The following NPAS3 variants were observed in gnomAD, a reference collection of about 807,000 sequenced individuals.
NPAS3 encodes neuronal PAS domain protein 3, also known as neuronal PAS domain-containing protein 3.
Under a neutral mutation model 73.1 loss-of-function variants are expected in NPAS3, and 14 were observed. That is an observed-to-expected ratio of 0.19 (90% confidence interval 0.13 to 0.30). The LOEUF is 0.30. Ranked by LOEUF, NPAS3 falls within the 10% of genes least tolerant of loss-of-function variation. The pLI is 1.00. For missense variants in NPAS3, 1,096 were observed against 1,250.0 expected (o/e 0.88, Z 1.86); for synonymous variants, 620 against 541.5 (o/e 1.14, Z -2.01).
chr14:33,149,283 G>A (rs146047080), intron 2 of NPAS3, among the ~76,000 whole-genome samples: 23 of 152,250 alleles, frequency 1.5e-4, no homozygotes, highest in Non-Finnish European at 3.2e-4. Flanking sequence ...TTGTTATTCC[G>A]AAGTGTTCAT....
At chr14:33,450,416 G>A (rs941236527) in intron 4 of NPAS3, among the ~76,000 whole-genome samples, 6 of 152,012 alleles carry the variant, frequency 3.9e-5, no homozygotes, top group Admixed American at 1.3e-4. Flanking sequence ...ATCCATAATC[G>A]TAGCACCTAC....
rs115410650 is a variant in NPAS3 at position 33,558,960 on chromosome 14, G to A, written c.469-1161G>A. Among the ~76,000 whole-genome samples the A allele has an allele frequency of 7.3e-3, 1,107 of 151,776 alleles. 16 individuals are homozygous for A. Among genetic ancestry groups the A allele is most frequent in the African/African-American group, 0.026 (1,056 of 41,328 alleles). ...CTATAAAGCAAAACAAAAGACATGC[G>A]GATGACAGAGGGTGTAGGATGCACT... On this transcript the variant is annotated intron_variant, in intron 4 of 11. Coordinates refer to ENST00000356141, the Ensembl canonical transcript of NPAS3.
At chr14:33,106,095 C>T (rs530388946) in intron 2 of NPAS3, among the ~76,000 whole-genome samples, 3 of 152,258 alleles carry the variant, frequency 2.0e-5, no homozygotes, top group Admixed American at 1.3e-4. Context: ...TCCTTATGTC[C>T]TTGCTGTGAT....
intron 5 of NPAS3, among the ~76,000 whole-genome samples, chr14:33,638,024 G>C (rs1263737938): frequency 6.6e-6 from 1 of 152,088 alleles, no homozygotes; most frequent in Non-Finnish European, 1.5e-5. Flanking sequence ...TATTTGAAAG[G>C]AGCATGCATT....
At chr14:33,699,895 A>G (rs1275583839) in intron 6 of NPAS3, among the ~76,000 whole-genome samples, 7 of 152,154 alleles carry the variant, frequency 4.6e-5, no homozygotes, top group Admixed American at 4.6e-4. Context: ...AGAATTCCAA[A>G]TAGCTTAACA....
intron 2 of NPAS3, among the ~76,000 whole-genome samples, chr14:33,189,945 C>T (rs542150109): frequency 1.3e-5 from 2 of 152,256 alleles, no homozygotes; most frequent in South Asian, 4.1e-4. Context: ...CAAACATTTT[C>T]TTCTCACAAT....
At chr14:33,511,938 G>A (rs2053073643) in intron 4 of NPAS3, among the ~76,000 whole-genome samples, 1 of 152,032 alleles carries the variant, frequency 6.6e-6, no homozygotes, top group Non-Finnish European at 1.5e-5. Flanking sequence ...GAGAAATTCT[G>A]ATTCCTTTAG....
intron 7 of NPAS3, among the ~76,000 whole-genome samples, chr14:33,758,626 T>C (rs561832936): frequency 2.0e-5 from 3 of 152,374 alleles, no homozygotes; most frequent in South Asian, 2.1e-4. Flanking sequence ...TTCTTCTCAA[T>C]GAAAAATAAT....
intron 4 of NPAS3, among the ~76,000 whole-genome samples, chr14:33,371,349 G>A (rs765461298): frequency 1.7e-4 from 26 of 152,110 alleles, no homozygotes; most frequent in Non-Finnish European, 2.9e-4. Context: ...GTAAAGAAAG[G>A]GTGGGAAATG....
At chr14:32,938,482 A>AGAGAGAGAGAGAG (rs2035781447), upstream of NPAS3, among the ~76,000 whole-genome samples, 2 of 15,052 alleles carry the variant, frequency 1.3e-4, no homozygotes, top group African/African-American at 3.1e-4. Flanking sequence ...AGAGAGAGAG[A>AGAGAGAGAGAGAG]AATTGAGAGA....
intron 3 of NPAS3, among the ~76,000 whole-genome samples, chr14:33,358,627 G>A (rs1282606350): frequency 2.0e-5 from 3 of 152,136 alleles, no homozygotes; most frequent in African/African-American, 7.2e-5. Context: ...GTTGAGAGTT[G>A]TACTTTTATT....
intron 1 of NPAS3, among the ~76,000 whole-genome samples, chr14:33,042,451 C>G (rs1039576827): frequency 6.6e-6 from 1 of 152,124 alleles, no homozygotes; most frequent in Non-Finnish European, 1.5e-5. Context: ...ATTTTCATGT[C>G]ATTTTGTGAA....
At chr14:32,959,357 A>T (rs2036813455) in intron 1 of NPAS3, among the ~76,000 whole-genome samples, 1 of 152,196 alleles carries the variant, frequency 6.6e-6, no homozygotes, top group Non-Finnish European at 1.5e-5. Flanking sequence ...GTGTGTGTGC[A>T]CATGTATGCA....
At chr14:33,748,789 A>G (rs1185933272) in intron 7 of NPAS3, among the ~76,000 whole-genome samples, 1 of 152,178 alleles carries the variant, frequency 6.6e-6, no homozygotes, top group Non-Finnish European at 1.5e-5. Flanking sequence ...CACCCTGTGC[A>G]TTAGTGCTTT....
intron 4 of NPAS3, among the ~76,000 whole-genome samples, chr14:33,389,906 T>C (rs2046927808): frequency 1.3e-5 from 2 of 152,154 alleles, no homozygotes; most frequent in Admixed American, 1.3e-4. Flanking sequence ...TTACCTTGAA[T>C]ATACACTCCC....
intron 3 of NPAS3, among the ~76,000 whole-genome samples, chr14:33,237,652 T>G (rs1289763639): frequency 2.6e-5 from 4 of 152,066 alleles, no homozygotes; most frequent in Non-Finnish European, 5.9e-5. Flanking sequence ...ACTGTTTCAG[T>G]CAAAATGGAG....
chr14:33,539,101 G>A (rs1322278660), intron 4 of NPAS3, among the ~76,000 whole-genome samples: 1 of 152,118 alleles, frequency 6.6e-6, no homozygotes, highest in Non-Finnish European at 1.5e-5. Flanking sequence ...GGGGAGAGGT[G>A]AGTGAGGGAG....
At chr14:32,940,606 C>T (rs36063234) in intron 1 of NPAS3, among the ~76,000 whole-genome samples, 26,637 of 152,162 alleles carry the variant, frequency 0.18, 2,662 homozygotes, top group East Asian at 0.44. Flanking sequence ...CCGCAGCAGG[C>T]GCGTTGATTT....
chr14:33,752,867 C>T (rs573218465), intron 7 of NPAS3, among the ~76,000 whole-genome samples: 2 of 152,276 alleles, frequency 1.3e-5, no homozygotes, highest in South Asian at 4.1e-4. Flanking sequence ...GTTCAACTCT[C>T]TGTGTATCAG....
Sources: allele counts gnomAD v4.1 joint callset (sites outside exome capture counted in the v4.1 genomes callset), GRCh38; gene constraint gnomAD v4.1.1; transcripts MANE v1.5; gene names NCBI Gene and HGNC (gene_info 2026-07-23, HGNC 2026-07-21).